Variants in ITGA8 observed in about 807,000 individuals in gnomAD.
ITGA8 encodes the protein integrin alpha-8.
In ITGA8, 91 loss-of-function variants were observed where a neutral mutation model predicts 142.3. The ratio of observed to expected loss-of-function variants is 0.64; its 90% CI spans 0.54 to 0.76. The LOEUF is 0.76. Ranked by LOEUF, ITGA8 falls within the 30% of genes least tolerant of loss-of-function variation. ITGA8 has a pLI of 0.00. For synonymous variants in ITGA8, 505 were observed against 485.2 expected, an observed-to-expected ratio of 1.04 and a Z score of -0.54; for missense variants, 1,406 against 1,327.7, an observed-to-expected ratio of 1.06 and a Z score of -0.92.
At chr10:15,561,245 A>ATATG (rs1554772746) in intron 25 of ITGA8, among the ~76,000 whole-genome samples, 3,019 of 133,692 alleles carry the variant, frequency 0.023, 136 homozygotes, top group African/African-American at 0.077. Flanking sequence ...GTATATATAT[A>ATATG]TATATATATG....
Position 15,671,649 on chromosome 10 carries a change from T to C in ITGA8, c.803-2A>G. The C allele has an allele frequency of 6.2e-7, 1 of 1,611,460 alleles. No individual in the cohort carries two copies. The highest frequency in any genetic ancestry group is 8.5e-7 in the Non-Finnish European group (1 of 1,177,844). On this transcript the variant is annotated splice_acceptor_variant, in intron 7 of 29. Transcript: ENST00000378076. LOFTEE classifies it high-confidence loss of function. ...ACTCCCCAGCAGCAACTGAGTATCC[T>C]GTTTTAAAGAAAAAGAAACAAACTA...
rs1835245136 is a variant in ITGA8, at chr10:15,705,702, T to C, written c.343+13064A>G. ...CCCATTGGCTATCTCCCATTCTCTC[T>C]TGACACACTCCACTGTAACTGGATT... On this transcript the variant is annotated intron_variant, in intron 2 of 29. Coordinates refer to ENST00000378076, the MANE Select transcript of ITGA8 (RefSeq NM_003638.3). 2.6e-5 allele frequency among the ~76,000 whole-genome samples: 4 copies of C among 152,252 alleles called. No homozygotes were observed. The South Asian group carries it at 8.3e-4, about 31-fold the overall frequency.
intron 27 of ITGA8, among the ~76,000 whole-genome samples, chr10:15,534,114 T>A (rs1373840808): frequency 6.6e-6 from 1 of 152,076 alleles, no homozygotes; most frequent in Non-Finnish European, 1.5e-5. Flanking sequence ...ATCTCCATGT[T>A]GGCCAGGCTG....
intron 18 of ITGA8, 34 bp downstream of exon 18, chr10:15,606,251 G>A: frequency 6.4e-7 from 1 of 1,567,804 alleles, no homozygotes. Flanking sequence ...GAGCTTGCTT[G>A]AGAAAATGCC....
intron 28 of ITGA8, among the ~76,000 whole-genome samples, chr10:15,522,097 A>G (rs1424510620): frequency 2.0e-5 from 3 of 152,222 alleles, no homozygotes; most frequent in Non-Finnish European, 2.9e-5. Flanking sequence ...GAGATTTGAA[A>G]TGTTCCCAAC....
intron 25 of ITGA8, among the ~76,000 whole-genome samples, chr10:15,566,235 C>A (rs759398900): frequency 1.3e-5 from 2 of 152,166 alleles, no homozygotes; most frequent in African/African-American, 2.4e-5. Context: ...AGGAGACATT[C>A]TCGGCGGCAA....
At chr10:15,660,139 C>T (rs1306408990) in intron 9 of ITGA8, among the ~76,000 whole-genome samples, 1 of 152,182 alleles carries the variant, frequency 6.6e-6, no homozygotes, top group East Asian at 1.9e-4. Flanking sequence ...AGTTGCTGAT[C>T]ATAACCATGG....
At chr10:15,560,587 T>G (rs1220745164) in intron 25 of ITGA8, among the ~76,000 whole-genome samples, 1 of 152,214 alleles carries the variant, frequency 6.6e-6, no homozygotes, top group Non-Finnish European at 1.5e-5. Flanking sequence ...TACAGGTTAC[T>G]GATTAAATAA....
chr10:15,622,087 G>A lies in ITGA8; in HGVS notation c.1400-5528C>T, dbSNP rs201350573. 5.3e-5 allele frequency among the ~76,000 whole-genome samples: 8 copies of A among 152,168 alleles called. No homozygotes were observed. In the East Asian group the frequency reaches 1.2e-3, roughly 22 times the overall value. On this transcript the variant is annotated intron_variant, in intron 13 of 29. Coordinates refer to ENST00000378076, the MANE Select transcript of ITGA8 (RefSeq NM_003638.3). ...GCAGGAGAATCACTTGAACCCGGGAGGTGGAGGTTGCAGTCAGCGAGATCA... is the reference window on the plus strand; with the variant it reads ...GCAGGAGAATCACTTGAACCCGGGAAGTGGAGGTTGCAGTCAGCGAGATCA...
At chr10:15,604,399 T>A in intron 19 of ITGA8, 44 bp from the exon 20 acceptor site, 1 of 1,494,386 alleles carries the variant, frequency 6.7e-7, no homozygotes, top group Non-Finnish European at 9.0e-7. Flanking sequence ...CTCTACTTCT[T>A]GGCTTCGTGA....
chr10:15,635,940 C>CACACACACAA (rs1833765363), intron 13 of ITGA8, among the ~76,000 whole-genome samples: 1 of 151,886 alleles, frequency 6.6e-6, no homozygotes, highest in East Asian at 1.9e-4. Context: ...CACACACACA[C>CACACACACAA]ACACACACAC....
rs71505078 is a variant in ITGA8 at position 15,647,449 on chromosome 10, G to GTTTTT, written c.1002-403_1002-399dup. On this transcript the variant is annotated intron_variant, in intron 11 of 29. Coordinates refer to ENST00000378076, the MANE Select transcript of ITGA8 (RefSeq NM_003638.3). Reference sequence around the variant, plus strand: ...TATGACTATACATTTAAATTATTCAGTTTTTTTTTTTTTTTTTTTTTTTTG... The same window carrying GTTTTT: ...TATGACTATACATTTAAATTATTCAGTTTTTTTTTTTTTTTTTTTTTTTTTTTTTG... Among the ~76,000 whole-genome samples the GTTTTT allele has an allele frequency of 9.5e-4, 87 of 91,504 alleles. 3 individuals carry two copies. The highest frequency in any genetic ancestry group is 1.6e-3 in the Admixed American group (11 of 6,856). 60.0% of individuals were successfully genotyped at this position (91,504 alleles called of 152,430 possible).
At chr10:15,612,375 C>A (rs992339610) in intron 15 of ITGA8, among the ~76,000 whole-genome samples, 2 of 152,168 alleles carry the variant, frequency 1.3e-5, no homozygotes, top group African/African-American at 4.8e-5. Flanking sequence ...GTGGTTAGTT[C>A]TGCAATTCTG....
chr10:15,610,855 G>A (rs755984827), intron 15 of ITGA8, among the ~76,000 whole-genome samples: 8 of 152,050 alleles, frequency 5.3e-5, no homozygotes, highest in South Asian at 2.1e-4. Context: ...CAACTGGGTC[G>A]TTACTCACTT....
At position 15,541,522 on chromosome 10, in the gene ITGA8, T is replaced by C. The variant is rs376052486; in HGVS notation, c.2880+6933A>G. ...TTAGGCCATGAGGGATAATTTGTTG[T>C]GATCTCATTTGTTGGTTAGTTTTGA... On this transcript the variant is annotated intron_variant, in intron 27 of 29. Transcript: ENST00000378076. Among the ~76,000 whole-genome samples, 28 of 152,372 alleles carry C rather than the reference T, an allele frequency of 1.8e-4. No homozygotes were observed. In the South Asian group the frequency reaches 5.8e-3, roughly 32 times the overall value.
rs747536931 is a variant in ITGA8, at chr10:15,572,303, G to A, written c.2545C>T (p.Arg849Trp). The A allele has an allele frequency of 5.6e-6, 9 of 1,613,726 alleles. No individual in the cohort carries two copies. The highest frequency in any genetic ancestry group is 2.7e-5 in the African/African-American group (2 of 74,868). Reference sequence around the variant, plus strand: ...AAAATATAGAGAAGAAATTCATCCCGGGCAGAGAAAGGCCAGCCCACCTCC... The same window carrying A: ...AAAATATAGAGAAGAAATTCATCCCAGGCAGAGAAAGGCCAGCCCACCTCC... ...ILEVGWPFSARDEFLLYIFHI... is the reference protein window; with the variant it reads ...ILEVGWPFSAWDEFLLYIFHI... The change falls in exon 25 of 30, where the codon CGG becomes TGG. Residue 849 changes from arginine to tryptophan, a missense_variant. Coordinates refer to ENST00000378076, the MANE Select transcript of ITGA8 (RefSeq NM_003638.3).
chr10:15,541,043 T>G (rs1048126854), intron 27 of ITGA8, among the ~76,000 whole-genome samples: 1 of 152,198 alleles, frequency 6.6e-6, no homozygotes, highest in African/African-American at 2.4e-5. Context: ...ACCCCTTAAG[T>G]TGCATATAAT....
chr10:15,587,580 G>A (rs60487918), intron 22 of ITGA8, among the ~76,000 whole-genome samples: 11,482 of 152,146 alleles, frequency 0.075, 794 homozygotes, highest in East Asian at 0.28. Context: ...AGGAGTTGGA[G>A]GGTATTTTAA....
chr10:15,682,491 T>C (rs1834755282), intron 4 of ITGA8, among the ~76,000 whole-genome samples: 2 of 152,218 alleles, frequency 1.3e-5, no homozygotes, highest in Non-Finnish European at 2.9e-5. Context: ...AGTGTCTGAT[T>C]TACCTCAGTA....
Sources: gnomAD v4.1 joint callset for allele counts (sites outside exome capture counted in the v4.1 genomes callset) on GRCh38, gnomAD v4.1.1 for gene constraint, MANE v1.5 for transcripts, NCBI Gene and HGNC (gene_info 2026-07-23, HGNC 2026-07-21) for gene names.